DHRS4L2: variants seen among roughly 807,000 people sequenced by gnomAD.
DHRS4L2 encodes dehydrogenase/reductase SDR family member 4-like 2.
Under a neutral mutation model 23.9 loss-of-function variants are expected in DHRS4L2, and 22 were observed. The observed-to-expected ratio is 0.92, with a 90% CI of 0.66 to 1.31. The LOEUF (loss-of-function observed/expected upper bound fraction) is 1.31. DHRS4L2 is among the 40% of genes most tolerant of loss of function. DHRS4L2 has a pLI of 0.00. For synonymous variants in DHRS4L2, 141 were observed against 123.7 expected (o/e 1.14, Z -0.93); for missense variants, 385 against 303.3 (o/e 1.27, Z -2.00).
In DHRS4L2 at chr14:23,972,437, A is replaced by G. The variant is rs563431228; in HGVS notation, c.-176+2105A>G. On this transcript the variant is annotated intron_variant, in intron 1 of 5. Coordinates refer to the DHRS4L2 transcript ENST00000534993. ...ACTGGCCTCAGGAGTGAAGCTGCAG[A>G]CCTTCACGGTGAGTGTTACAGCTCA... 1.6e-3 allele frequency among the ~76,000 whole-genome samples: 242 copies of G among 151,924 alleles called. 1 individual carries two copies. Among genetic ancestry groups the G allele is most frequent in the African/African-American group, 5.1e-3 (213 of 41,488 alleles).
At chr14:24,002,194 A>C in intron 6 of DHRS4L2, among the ~76,000 whole-genome samples, 4 of 71,102 alleles carry the variant, frequency 5.6e-5, no homozygotes, top group Admixed American at 1.6e-4. Context: ...ATGTGATCTC[A>C]TTGTTCAATT....
chr14:24,000,992 G>A (rs761313175), intron 4 of DHRS4L2, 41 bp from the exon 5 acceptor site: 1 of 1,611,376 alleles, frequency 6.2e-7, no homozygotes, highest in South Asian at 1.1e-5. Flanking sequence ...TGAGGGCAGT[G>A]GTCCACACTG....
upstream of DHRS4L2, chr14:23,988,893 CCTACTCTG>C: frequency 6.3e-7 from 1 of 1,599,458 alleles, no homozygotes; most frequent in Non-Finnish European, 8.5e-7. Flanking sequence ...GCCCCTTCGC[CCTACTCTG>C]TCACCTCCGC....
At chr14:23,996,656 T>C (rs1241608170) in intron 3 of DHRS4L2, among the ~76,000 whole-genome samples, 2 of 143,028 alleles carry the variant, frequency 1.4e-5, no homozygotes, top group Admixed American at 1.4e-4. Context: ...TTTCCTTTTT[T>C]TTTTTTTTCC....
At chr14:23,981,749 A>C (rs1339236866) in intron 1 of DHRS4L2, among the ~76,000 whole-genome samples, 9 of 151,712 alleles carry the variant, frequency 5.9e-5, no homozygotes, top group Non-Finnish European at 1.2e-4. Flanking sequence ...AGTCAGCAAG[A>C]AAACATGTGG....
intron 1 of DHRS4L2, chr14:23,970,379 G>A (rs4048584): frequency 0.28 from 109,025 of 385,676 alleles, 20,313 homozygotes; most frequent in East Asian, 0.66. Flanking sequence ...AACTGCATCA[G>A]TTAACGGGGC....
At chr14:23,977,000 T>C (rs1362067412) in intron 1 of DHRS4L2, among the ~76,000 whole-genome samples, 4 of 151,768 alleles carry the variant, frequency 2.6e-5, no homozygotes, top group Admixed American at 6.6e-5. Flanking sequence ...AAATACCTAA[T>C]GTAAATGACG....
chr14:23,992,066 T>A (rs932289587), intron 2 of DHRS4L2, among the ~76,000 whole-genome samples: 1 of 151,576 alleles, frequency 6.6e-6, no homozygotes, highest in African/African-American at 2.4e-5. Context: ...TTAAGGACCT[T>A]AAAAGGATAT....
chr14:24,002,217 T>G, intron 6 of DHRS4L2, among the ~76,000 whole-genome samples: 1 of 71,256 alleles, frequency 1.4e-5, no homozygotes, highest in Non-Finnish European at 2.2e-5. Context: ...CACCTATGAG[T>G]GAGAATATGT....
upstream of DHRS4L2, among the ~76,000 whole-genome samples, chr14:23,985,188 T>G (rs1401523218): frequency 4.0e-5 from 6 of 151,650 alleles, no homozygotes; most frequent in Admixed American, 3.9e-4. Context: ...TGATAAACAG[T>G]TGGCTGTTTG....
At position 23,972,492 on chromosome 14, in the gene DHRS4L2, A is replaced by G. The variant is rs141731696; in HGVS notation, c.-176+2160A>G. Among the ~76,000 whole-genome samples the G allele has an allele frequency of 7.9e-4, 120 of 152,102 alleles. 2 individuals carry two copies. The East Asian group carries it at 0.018, about 23-fold the overall frequency. On this transcript the variant is annotated intron_variant, in intron 1 of 5. Transcript: ENST00000534993. ...GGCAGTGTGGACCCAAAGAGTGAGC[A>G]GCAGCAAGATTTATTGCAAAGAGTG...
chr14:23,990,489 T>C (rs2034248455), intron 2 of DHRS4L2, 130 bp downstream of exon 2: 2 of 1,360,658 alleles, frequency 1.5e-6, no homozygotes, highest in East Asian at 5.1e-5. Flanking sequence ...TATACTAACG[T>C]CAGAGAATCA....
chr14:23,996,635 GCT>G (rs1308040276), intron 3 of DHRS4L2, among the ~76,000 whole-genome samples: 1 of 148,050 alleles, frequency 6.8e-6, no homozygotes, highest in African/African-American at 2.5e-5. Flanking sequence ...ACAGACTCTT[GCT>G]CTGTCTTTTT....
intron 2 of DHRS4L2, among the ~76,000 whole-genome samples, chr14:23,994,659 G>A (rs1192661072): frequency 6.6e-6 from 1 of 151,758 alleles, no homozygotes; most frequent in African/African-American, 2.4e-5. Flanking sequence ...CTGTGCTCCA[G>A]TCTGGATGAC....
rs2034350221 is a variant in DHRS4L2, at chr14:23,995,013, A to C, written c.307-19A>C. Reference sequence around the variant, plus strand: ...CTTACTTACTGCAGCCCTGGTCCAGACCTTACCCCTCTCTCTAGGCTGTGA... The same window carrying C: ...CTTACTTACTGCAGCCCTGGTCCAGCCCTTACCCCTCTCTCTAGGCTGTGA... On this transcript the variant is annotated intron_variant, in intron 2 of 7. Transcript: ENST00000335125. The C allele has an allele frequency of 6.2e-7, 1 of 1,612,306 alleles. No individual in the cohort carries two copies. Among genetic ancestry groups the C allele is most frequent in the Non-Finnish European group, 8.5e-7 (1 of 1,179,074 alleles).
Position 23,995,069 on chromosome 14 carries a change from C to T in DHRS4L2, c.344C>T (p.Ser115Phe). 1 of 1,613,036 alleles carries T rather than the reference C, an allele frequency of 6.2e-7. No homozygotes were observed. The highest frequency in any genetic ancestry group is 8.5e-7 in the Non-Finnish European group (1 of 1,179,512). ...CATGGAGGTATCGATATCCTAGTCT[C>T]CAATGCTGCTGTCAACCCTTTCTTT... ...KLHGGIDILV[S>F]NAAVNPFFGS... The change falls in exon 3 of 8, where the codon TCC (serine) becomes TTC (phenylalanine). Residue 115 changes from serine to phenylalanine, a missense_variant. Ser to Phe is a radical substitution (Grantham distance 155). Transcript: ENST00000335125.
chr14:23,976,959 TG>T (rs113105656), intron 1 of DHRS4L2, among the ~76,000 whole-genome samples: 7,123 of 151,550 alleles, frequency 0.047, 280 homozygotes, highest in East Asian at 0.15. Flanking sequence ...TGTTGGGGGC[TG>T]GGGGGCTGGG....
At chr14:23,981,639 C>T (rs1393322402) in intron 1 of DHRS4L2, among the ~76,000 whole-genome samples, 1 of 151,584 alleles carries the variant, frequency 6.6e-6, no homozygotes, top group African/African-American at 2.4e-5. Flanking sequence ...AGGACCCACA[C>T]TGGCACCAGT....
At chr14:23,972,004 A>G (rs1179293963) in intron 1 of DHRS4L2, among the ~76,000 whole-genome samples, 2 of 152,124 alleles carry the variant, frequency 1.3e-5, no homozygotes, top group Non-Finnish European at 2.9e-5. Flanking sequence ...TAAATGGGAT[A>G]AATGCCCCAA....
Sources: gnomAD v4.1 joint callset for allele counts (sites outside exome capture counted in the v4.1 genomes callset) on GRCh38, gnomAD v4.1.1 for gene constraint, MANE v1.5 for transcripts, NCBI Gene and HGNC (gene_info 2026-07-23, HGNC 2026-07-21) for gene names.